ADCY2: variants seen among roughly 807,000 people sequenced by gnomAD.
ADCY2 encodes adenylate cyclase 2.
A neutral mutation model predicts 125.2 loss-of-function variants in ADCY2; 31 were observed. That is an observed-to-expected ratio of 0.25 (90% confidence interval 0.19 to 0.33). The LOEUF (loss-of-function observed/expected upper bound fraction) is 0.33. Among genes scored for constraint, ADCY2 ranks in the 10% least tolerant of loss-of-function variants. The pLI is 1.00. For missense variants in ADCY2, 904 were observed against 1,418.2 expected (o/e 0.64, Z 5.82); for synonymous variants, 512 against 548.4 (o/e 0.93, Z 0.93).
chr5:7,790,772 G>A (rs1162847139), intron 20 of ADCY2, among the ~76,000 whole-genome samples: 1 of 152,224 alleles, frequency 6.6e-6, no homozygotes, highest in Admixed American at 6.5e-5. Flanking sequence ...TACTGAAAGG[G>A]GAAAGAGTGG....
intron 3 of ADCY2, among the ~76,000 whole-genome samples, chr5:7,535,916 C>G (rs1419594858): frequency 6.6e-6 from 1 of 152,172 alleles, no homozygotes; most frequent in Non-Finnish European, 1.5e-5. Flanking sequence ...GATCACCTAA[C>G]TTTAGCTATT....
At chr5:7,414,036 G>A (rs1311729283) in intron 1 of ADCY2, among the ~76,000 whole-genome samples, 1 of 152,052 alleles carries the variant, frequency 6.6e-6, no homozygotes, top group African/African-American at 2.4e-5. Context: ...GCTCCCTCAC[G>A]TTCCATATTC....
At chr5:7,599,753 A>T (rs187269498) in intron 3 of ADCY2, among the ~76,000 whole-genome samples, 38 of 152,334 alleles carry the variant, frequency 2.5e-4, no homozygotes, top group African/African-American at 8.9e-4. Flanking sequence ...GAAGAGTCGC[A>T]AGGAATCATC....
At chr5:7,492,919 G>A (rs745510546) in intron 2 of ADCY2, among the ~76,000 whole-genome samples, 6 of 152,078 alleles carry the variant, frequency 3.9e-5, no homozygotes, top group Admixed American at 6.6e-5. Flanking sequence ...TGAGACCCCT[G>A]CTAAGGAAAA....
chr5:7,435,426 C>G (rs750074669), intron 2 of ADCY2, among the ~76,000 whole-genome samples: 4 of 152,146 alleles, frequency 2.6e-5, no homozygotes, highest in Admixed American at 6.5e-5. Context: ...TTTCATCATA[C>G]GACATAATCA....
intron 3 of ADCY2, among the ~76,000 whole-genome samples, chr5:7,525,843 G>A (rs1489860026): frequency 2.0e-5 from 3 of 152,022 alleles, no homozygotes; most frequent in Admixed American, 1.3e-4. Context: ...GGACCAATTC[G>A]TGTCTGTAAC....
chr5:7,501,130 T>TA (rs1372706699), intron 2 of ADCY2, among the ~76,000 whole-genome samples: 43 of 147,436 alleles, frequency 2.9e-4, no homozygotes, highest in Non-Finnish European at 4.4e-4. Context: ...AAGCTTTTTT[T>TA]TAAAAAAAAA....
At chr5:7,425,766 A>C in intron 2 of ADCY2, among the ~76,000 whole-genome samples, 1 of 152,258 alleles carries the variant, frequency 6.6e-6, no homozygotes, top group Non-Finnish European at 1.5e-5. Context: ...TTTTAGATTC[A>C]TGCTGAATAA....
chr5:7,704,418 A>G (rs1182910461), intron 7 of ADCY2, among the ~76,000 whole-genome samples: 1 of 152,168 alleles, frequency 6.6e-6, no homozygotes, highest in Non-Finnish European at 1.5e-5. Flanking sequence ...TTTTTCTGCC[A>G]TGAACATGTA....
At chr5:7,620,818 G>T (rs1737928886) in intron 3 of ADCY2, among the ~76,000 whole-genome samples, 1 of 151,662 alleles carries the variant, frequency 6.6e-6, no homozygotes, top group Non-Finnish European at 1.5e-5. Flanking sequence ...GCATATTTAT[G>T]ATCTGCTTTG....
At chr5:7,626,359 A>T (rs779908161) in intron 4 of ADCY2, 43 bp downstream of exon 4, 1 of 1,595,332 alleles carries the variant, frequency 6.3e-7, no homozygotes. Context: ...TTTAGTCATT[A>T]TTAAAATGAT....
rs76870436 is a variant in ADCY2, at chr5:7,585,241, A to G, written c.571-40926A>G. The stretch of plus-strand genomic sequence containing the variant: ...TTGAAATTCTTCTATGATTTGGTCA[A>G]TATACATCAAGATGAGCATTCCCTG... On this transcript the variant is annotated intron_variant, in intron 3 of 24. Coordinates refer to ENST00000338316, the MANE Select transcript of ADCY2 (RefSeq NM_020546.3). Among the ~76,000 whole-genome samples the G allele has an allele frequency of 3.5e-4, 54 of 152,268 alleles. 1 individual carries two copies. The East Asian group carries it at 8.7e-3, about 24-fold the overall frequency.
intron 19 of ADCY2, among the ~76,000 whole-genome samples, chr5:7,784,894 T>C (rs527562676): frequency 4.6e-5 from 7 of 152,338 alleles, no homozygotes; most frequent in Admixed American, 1.3e-4. Context: ...CCTAGAAATA[T>C]GATCCCCTGT....
chr5:7,675,107 G>A (rs911388239), intron 4 of ADCY2, among the ~76,000 whole-genome samples: 3 of 150,848 alleles, frequency 2.0e-5, no homozygotes, highest in Non-Finnish European at 2.9e-5. Context: ...GCAGTGAGCC[G>A]AGATAGCGCC....
chr5:7,498,794 A>G (rs1277935390), intron 2 of ADCY2, among the ~76,000 whole-genome samples: 2 of 152,226 alleles, frequency 1.3e-5, no homozygotes, highest in African/African-American at 2.4e-5. Flanking sequence ...CAGAAGAACA[A>G]TGAAATAAAG....
At chr5:7,773,943 T>C (rs1462919212) in intron 18 of ADCY2, among the ~76,000 whole-genome samples, 1 of 152,358 alleles carries the variant, frequency 6.6e-6, no homozygotes, top group East Asian at 1.9e-4. Context: ...TTATAACAAG[T>C]GTTAGGTTTA....
intron 4 of ADCY2, among the ~76,000 whole-genome samples, chr5:7,667,507 C>G (rs1347908636): frequency 6.6e-6 from 1 of 151,378 alleles, no homozygotes; most frequent in Non-Finnish European, 1.5e-5. Flanking sequence ...TTTCTTCATA[C>G]TTTTAACATG....
At chr5:7,574,537 A>T (rs1736183252) in intron 3 of ADCY2, among the ~76,000 whole-genome samples, 1 of 152,224 alleles carries the variant, frequency 6.6e-6, no homozygotes, top group South Asian at 2.1e-4. Context: ...ACATATAAAT[A>T]CCGTAGCTAA....
intron 3 of ADCY2, among the ~76,000 whole-genome samples, chr5:7,570,386 T>A (rs548944602): frequency 6.6e-6 from 1 of 152,134 alleles, no homozygotes; most frequent in East Asian, 1.9e-4. Context: ...AAACCTTTTT[T>A]TCTTCAACAT....
Sources: allele counts gnomAD v4.1 joint callset (sites outside exome capture counted in the v4.1 genomes callset), GRCh38; gene constraint gnomAD v4.1.1; transcripts MANE v1.5; gene names NCBI Gene and HGNC (gene_info 2026-07-23, HGNC 2026-07-21).